The following KIAA1671 variants were observed in gnomAD, a reference collection of about 807,000 sequenced individuals.
KIAA1671 encodes the protein uncharacterized protein KIAA1671.
A neutral mutation model predicts 131.2 loss-of-function variants in KIAA1671; 52 were observed. The ratio of observed to expected loss-of-function variants is 0.40; its 90% CI spans 0.32 to 0.50. The LOEUF (loss-of-function observed/expected upper bound fraction) is 0.50, where lower values mean the gene tolerates loss of function less well. Among genes scored for constraint, KIAA1671 ranks in the 20% least tolerant of loss-of-function variants. The probability of loss-of-function intolerance (pLI) is 0.73; values close to 1 mark genes in which losing one functional copy is unlikely to be tolerated. For synonymous variants in KIAA1671, 1,003 were observed against 961.6 expected (o/e 1.04, Z -0.80); for missense variants, 2,360 against 2,364.2 (o/e 1.00, Z 0.04).
chr22:25,059,316 A>G (rs62233181), intron 6 of KIAA1671: 9,138 of 152,030 alleles, frequency 0.06, 360 homozygotes, highest in Non-Finnish European at 0.09. Flanking sequence ...AAAATACAAA[A>G]ATTAGCTGGG....
chr22:24,990,373 G>A (rs1055075557), intron 1 of KIAA1671, among the ~76,000 whole-genome samples: 3 of 152,188 alleles, frequency 2.0e-5, no homozygotes, highest in Non-Finnish European at 4.4e-5. Context: ...TTAAAGGTGT[G>A]AGCCACCTTG....
At chr22:25,093,808 CT>C (rs1930228177) in intron 6 of KIAA1671, among the ~76,000 whole-genome samples, 1 of 130,750 alleles carries the variant, frequency 7.6e-6, no homozygotes, top group African/African-American at 2.9e-5. Flanking sequence ...CTCTCTCTCT[CT>C]CTGTCTCTCT....
chr22:25,191,108 CG>C (rs1934659697), intron 12 of KIAA1671, among the ~76,000 whole-genome samples: 1 of 148,534 alleles, frequency 6.7e-6, no homozygotes. Flanking sequence ...AACAAAAGGG[CG>C]GGGACATCAG....
chr22:25,187,340 C>G (rs1169372662), intron 11 of KIAA1671, among the ~76,000 whole-genome samples: 1 of 152,192 alleles, frequency 6.6e-6, no homozygotes, highest in Non-Finnish European at 1.5e-5. Context: ...CTGTTGATAT[C>G]TGGGCATCTC....
At chr22:25,177,981 G>A (rs1934099934) in intron 9 of KIAA1671, among the ~76,000 whole-genome samples, 2 of 152,152 alleles carry the variant, frequency 1.3e-5, no homozygotes, top group African/African-American at 2.4e-5. Flanking sequence ...TGTGGCTCTG[G>A]AAGACGCTGG....
At chr22:25,006,017 C>T (rs1924731972) in intron 1 of KIAA1671, among the ~76,000 whole-genome samples, 1 of 151,930 alleles carries the variant, frequency 6.6e-6, no homozygotes, top group African/African-American at 2.4e-5. Context: ...CATTGAATAG[C>T]CAATTTTATT....
At position 25,040,181 on chromosome 22, in the gene KIAA1671, A is replaced by G; in HGVS notation, c.3051A>G (p.Gln1017=). The part of the protein sequence containing the change: ...SRDQTSPAVK[Q]GSPVEPKATF... ...ACCAGACTTCCCCAGCAGTGAAGCA[A>G]GGGTCACCTGTGGAACCCAAGGCGA... Residue 1017 remains glutamine, a synonymous_variant, in exon 5 of 13, where the codon CAA becomes CAG. Transcript: ENST00000358431. The G allele has an allele frequency of 1.3e-6, 2 of 1,551,718 alleles. No homozygotes were observed. Among genetic ancestry groups the G allele is most frequent in the Non-Finnish European group, 1.7e-6 (2 of 1,147,000 alleles).
In KIAA1671 at chr22:25,194,436, T is replaced by C. The variant is rs1243682105; in HGVS notation, c.*2035T>C. The C allele has an allele frequency of 6.6e-6, 1 of 152,152 alleles. No individual in the cohort carries two copies. Among genetic ancestry groups the C allele is most frequent in the Non-Finnish European group, 1.5e-5 (1 of 68,046 alleles). The allele number at this position is 152,152 out of a possible 1,614,324, so 9.4% of individuals were successfully genotyped here. On this transcript the variant is annotated 3_prime_UTR_variant, in exon 13 of 13. Transcript: ENST00000358431. ...TATCTGGGCTGCTGTCTCTCTTTCC[T>C]TCAGGTGGAAAGGACCCCTTGGTAC...
intron 6 of KIAA1671, among the ~76,000 whole-genome samples, chr22:25,156,445 GTT>G (rs1933245818): frequency 6.6e-6 from 1 of 151,874 alleles, no homozygotes; most frequent in Non-Finnish European, 1.5e-5. Flanking sequence ...GTGCATATGT[GTT>G]TGTGTTTTGT....
At chr22:25,177,251 A>T in intron 8 of KIAA1671, 97 bp from the exon 9 acceptor site, 1 of 1,178,696 alleles carries the variant, frequency 8.5e-7, no homozygotes, top group Non-Finnish European at 1.2e-6. Context: ...ATAGCCTCTC[A>T]TCTGTCAACG....
intron 6 of KIAA1671, among the ~76,000 whole-genome samples, chr22:25,114,371 C>T (rs563382551): frequency 6.6e-6 from 1 of 152,354 alleles, no homozygotes; most frequent in African/African-American, 2.4e-5. Flanking sequence ...GTGCCAGGCA[C>T]ACAGAATCTG....
At chr22:24,956,871 C>CA (rs60921102) in intron 1 of KIAA1671, among the ~76,000 whole-genome samples, 28,626 of 102,896 alleles carry the variant, frequency 0.28, 4,295 homozygotes, top group East Asian at 0.73. Context: ...GACTCTGTCT[C>CA]AAAAAAAAAA....
intron 6 of KIAA1671, among the ~76,000 whole-genome samples, chr22:25,091,282 T>G (rs1252048041): frequency 6.6e-6 from 1 of 152,150 alleles, no homozygotes; most frequent in African/African-American, 2.4e-5. Flanking sequence ...GGTCTCGAAC[T>G]CCTAACCTCA....
chr22:25,039,558 G>T lies in KIAA1671; in HGVS notation c.2428G>T (p.Gly810Ter). The change falls in exon 5 of 13, where the codon GGA (glycine) becomes TGA (stop). Residue 810 changes from glycine (G) to a stop codon, truncating the protein, a stop_gained. Transcript: ENST00000358431. LOFTEE classifies it high-confidence loss of function. Reference protein sequence around the residue: ...WEARGMPEASGPKFGGNCPFP... With the variant: ...WEARGMPEAS ...AGCTCGAGGCATGCCTGAGGCTAGTGGACCGAAGTTTGGGGGCAATTGCCC... is the reference window on the plus strand; with the variant it reads ...AGCTCGAGGCATGCCTGAGGCTAGTTGACCGAAGTTTGGGGGCAATTGCCC... The T allele has an allele frequency of 6.4e-7, 1 of 1,551,804 alleles. No individual in the cohort carries two copies. Among genetic ancestry groups the T allele is most frequent in the Non-Finnish European group, 8.7e-7 (1 of 1,147,022 alleles).
chr22:25,030,074 G>A (rs1386679996), intron 3 of KIAA1671, among the ~76,000 whole-genome samples: 5 of 152,194 alleles, frequency 3.3e-5, no homozygotes, highest in Non-Finnish European at 7.3e-5. Context: ...AAGTCAGTTC[G>A]TTAATACTGA....
chr22:25,058,324 A>C (rs1210021970), intron 6 of KIAA1671: 1 of 152,254 alleles, frequency 6.6e-6, no homozygotes, highest in Non-Finnish European at 1.5e-5. Context: ...TGGTATGTTC[A>C]TTACCATCAA....
intron 4 of KIAA1671, among the ~76,000 whole-genome samples, chr22:25,033,063 CCTTA>C (rs1926380018): frequency 6.6e-6 from 1 of 151,932 alleles, no homozygotes; most frequent in East Asian, 1.9e-4. Context: ...ATTGCCTTCC[CCTTA>C]CTTACCACCT....
chr22:25,154,289 A>C (rs1169502805), intron 6 of KIAA1671, among the ~76,000 whole-genome samples: 1 of 152,200 alleles, frequency 6.6e-6, no homozygotes, highest in Non-Finnish European at 1.5e-5. Context: ...CAGGGCTCAC[A>C]GTTGTGGCTT....
chr22:25,010,838 C>T (rs1345592314), intron 1 of KIAA1671: 1 of 152,178 alleles, frequency 6.6e-6, no homozygotes, highest in East Asian at 1.9e-4. Context: ...AGGGCAGTGG[C>T]TTAACTATAT....
Sources: allele counts gnomAD v4.1 joint callset (sites outside exome capture counted in the v4.1 genomes callset), GRCh38; gene constraint gnomAD v4.1.1; transcripts MANE v1.5; gene names NCBI Gene and HGNC (gene_info 2026-07-23, HGNC 2026-07-21).